The following RPS6KC1 variants were observed in gnomAD, a reference collection of about 807,000 sequenced individuals.
The protein encoded by RPS6KC1 is ribosomal protein S6 kinase C1.
RPS6KC1 carries 54 observed loss-of-function variants against 103.8 expected under a neutral mutation model. The ratio of observed to expected loss-of-function variants is 0.52; its 90% CI spans 0.42 to 0.65. RPS6KC1 has a LOEUF of 0.65. Among genes scored for constraint, RPS6KC1 ranks in the 30% least tolerant of loss-of-function variants. The pLI is 0.00. For synonymous variants in RPS6KC1, 439 were observed against 438.7 expected (o/e 1.00, Z -0.01); for missense variants, 1,151 against 1,253.8 (o/e 0.92, Z 1.24).
the RPS6KC1 span, among the ~76,000 whole-genome samples, chr1:213,801,625 TG>T: frequency 7.3e-5 from 10 of 136,182 alleles, no homozygotes; most frequent in African/African-American, 3.1e-4. Flanking sequence ...TAAGCTTTGG[TG>T]GTGTTCAAAA....
the RPS6KC1 span, among the ~76,000 whole-genome samples, chr1:213,590,519 A>G: frequency 6.6e-6 from 1 of 152,190 alleles, no homozygotes; most frequent in African/African-American, 2.4e-5. Context: ...GGAGACAGTA[A>G]GCTGCGAGGC....
At chr1:213,663,719 G>A in the RPS6KC1 span, among the ~76,000 whole-genome samples, 129 of 152,260 alleles carry the variant, frequency 8.5e-4, 1 homozygote, top group African/African-American at 3.0e-3. Flanking sequence ...ATACTCACAG[G>A]GCAGGTGCAG....
At chr1:213,327,508 G>A in the RPS6KC1 span, among the ~76,000 whole-genome samples, 27 of 152,176 alleles carry the variant, frequency 1.8e-4, no homozygotes, top group African/African-American at 2.4e-4. Flanking sequence ...CCTGACTTGC[G>A]GGTGGTCTTA....
At chr1:213,413,772 CT>C in the RPS6KC1 span, among the ~76,000 whole-genome samples, 1 of 152,180 alleles carries the variant, frequency 6.6e-6, no homozygotes, top group African/African-American at 2.4e-5. Context: ...CAGGTCAGCT[CT>C]ATCAGTGGAA....
the RPS6KC1 span, among the ~76,000 whole-genome samples, chr1:213,295,847 G>T: frequency 6.6e-6 from 1 of 152,222 alleles, no homozygotes; most frequent in Non-Finnish European, 1.5e-5. Flanking sequence ...GAGGGAAGAG[G>T]AAGTCGAGGT....
chr1:213,700,786 A>G, the RPS6KC1 span, among the ~76,000 whole-genome samples: 1 of 151,940 alleles, frequency 6.6e-6, no homozygotes, highest in Non-Finnish European at 1.5e-5. Context: ...TGGTTAAGTT[A>G]ATTCCTATGT....
chr1:213,583,066 T>G, the RPS6KC1 span, among the ~76,000 whole-genome samples: 1 of 152,246 alleles, frequency 6.6e-6, no homozygotes, highest in Admixed American at 6.5e-5. Context: ...CTTTTGAGAT[T>G]GGTCCTTGCC....
chr1:213,628,836 A>T, the RPS6KC1 span, among the ~76,000 whole-genome samples: 1 of 152,098 alleles, frequency 6.6e-6, no homozygotes, highest in Non-Finnish European at 1.5e-5. Context: ...TCATTTCGTT[A>T]TGTACCCAGC....
chr1:213,463,306 C>T, the RPS6KC1 span, among the ~76,000 whole-genome samples: 1 of 152,172 alleles, frequency 6.6e-6, no homozygotes, highest in Admixed American at 6.6e-5. Context: ...AAGCCGTAGG[C>T]TCTGCTTCAG....
the RPS6KC1 span, among the ~76,000 whole-genome samples, chr1:213,416,875 TCTC>T: frequency 6.6e-6 from 1 of 152,096 alleles, no homozygotes; most frequent in Non-Finnish European, 1.5e-5. Flanking sequence ...GAGCCTCTCC[TCTC>T]CTCCTCACTC....
the RPS6KC1 span, among the ~76,000 whole-genome samples, chr1:213,742,927 G>A: frequency 4.8e-4 from 73 of 152,362 alleles, 1 homozygote; most frequent in Non-Finnish European, 9.1e-4. Flanking sequence ...CTTATACACT[G>A]TTGGTGGGTG....
chr1:213,073,420 C>G (rs1227110900), intron 2 of RPS6KC1, among the ~76,000 whole-genome samples: 1 of 152,184 alleles, frequency 6.6e-6, no homozygotes, highest in Non-Finnish European at 1.5e-5. Context: ...GCTAAAAGAT[C>G]TGTGGCCTGT....
the RPS6KC1 span, among the ~76,000 whole-genome samples, chr1:213,529,753 G>T: frequency 2.0e-5 from 3 of 152,194 alleles, no homozygotes; most frequent in Non-Finnish European, 4.4e-5. Flanking sequence ...ATGAGAGTCA[G>T]GACTGTGTGT....
the RPS6KC1 span, among the ~76,000 whole-genome samples, chr1:213,342,428 G>C: frequency 6.6e-6 from 1 of 152,182 alleles, no homozygotes; most frequent in African/African-American, 2.4e-5. Flanking sequence ...GGCAACAGCA[G>C]TATTTGGTAC....
At chr1:213,327,262 A>AAGAAAGAAAGAAAGAC in the RPS6KC1 span, among the ~76,000 whole-genome samples, 1 of 151,918 alleles carries the variant, frequency 6.6e-6, no homozygotes, top group Non-Finnish European at 1.5e-5. Context: ...GAAAGAAAGA[A>AAGAAAGAAAGAAAGAC]AGAAGCTCTA....
At chr1:213,837,221 CA>C in the RPS6KC1 span, 6 of 152,090 alleles carry the variant, frequency 3.9e-5, no homozygotes, top group African/African-American at 1.4e-4. Context: ...GAACATATTT[CA>C]CCTCATTGCA....
At chr1:213,285,969 A>G in the RPS6KC1 span, among the ~76,000 whole-genome samples, 1 of 152,172 alleles carries the variant, frequency 6.6e-6, no homozygotes, top group South Asian at 2.1e-4. Context: ...CAGAACTGTA[A>G]GCAAAAGAAT....
chr1:213,258,129 G>A (rs756896207), intron 12 of RPS6KC1, among the ~76,000 whole-genome samples: 3 of 151,990 alleles, frequency 2.0e-5, no homozygotes, highest in South Asian at 4.2e-4. Context: ...CTACAGATGC[G>A]CGCCACTACG....
chr1:213,626,005 A>G, the RPS6KC1 span, among the ~76,000 whole-genome samples: 1 of 152,174 alleles, frequency 6.6e-6, no homozygotes, highest in Non-Finnish European at 1.5e-5. Context: ...GAATCGCCAC[A>G]CTGACTTCCA....
Sources: gnomAD v4.1 joint callset for allele counts (sites outside exome capture counted in the v4.1 genomes callset) on GRCh38, gnomAD v4.1.1 for gene constraint, MANE v1.5 for transcripts, NCBI Gene and HGNC (gene_info 2026-07-23, HGNC 2026-07-21) for gene names.